The following CNTN5 variants were observed in gnomAD, a reference collection of about 807,000 sequenced individuals.
The protein encoded by CNTN5 is contactin-5.
In CNTN5, 77 loss-of-function variants were observed where a neutral mutation model predicts 129.1. The observed-to-expected ratio is 0.60, with a 90% CI of 0.50 to 0.72. The LOEUF (loss-of-function observed/expected upper bound fraction) is 0.72. CNTN5 is among the 30% of genes least tolerant of loss of function. The probability of loss-of-function intolerance (pLI) is 0.00; values close to 1 mark genes in which losing one functional copy is unlikely to be tolerated. For synonymous variants in CNTN5, 509 were observed against 465.6 expected, an observed-to-expected ratio of 1.09 and a Z score of -1.20; for missense variants, 1,478 against 1,328.8, an observed-to-expected ratio of 1.11 and a Z score of -1.75.
chr11:99,079,146 G>T (rs905610157), intron 1 of CNTN5, among the ~76,000 whole-genome samples: 1 of 152,078 alleles, frequency 6.6e-6, no homozygotes, highest in East Asian at 1.9e-4. Flanking sequence ...CATTTAAAGA[G>T]ATCTCTTGGC....
At chr11:99,024,745 G>A (rs778724262) in intron 1 of CNTN5, among the ~76,000 whole-genome samples, 14 of 151,834 alleles carry the variant, frequency 9.2e-5, no homozygotes, top group Non-Finnish European at 1.6e-4. Flanking sequence ...TTTCCAGAGA[G>A]GCCACAAAGT....
intron 2 of CNTN5, among the ~76,000 whole-genome samples, chr11:99,444,027 G>A (rs1943950274): frequency 6.6e-6 from 1 of 151,978 alleles, no homozygotes; most frequent in African/African-American, 2.4e-5. Context: ...GTGAAACCCT[G>A]TCACTACTAA....
intron 2 of CNTN5, among the ~76,000 whole-genome samples, chr11:99,439,012 T>A (rs992053503): frequency 6.6e-6 from 1 of 152,136 alleles, no homozygotes; most frequent in African/African-American, 2.4e-5. Context: ...ATGAACACTA[T>A]GAAATAAAAA....
intron 6 of CNTN5, among the ~76,000 whole-genome samples, chr11:99,845,594 G>A (rs987679476): frequency 2.0e-5 from 3 of 151,756 alleles, no homozygotes; most frequent in Admixed American, 6.6e-5. Flanking sequence ...GGATGGTGTC[G>A]ATCTCCTGAC....
intron 2 of CNTN5, among the ~76,000 whole-genome samples, chr11:99,526,273 T>C (rs1411251450): frequency 6.6e-6 from 1 of 152,148 alleles, no homozygotes; most frequent in Non-Finnish European, 1.5e-5. Context: ...AATAGAGCTC[T>C]TCCCACTGAC....
chr11:99,356,028 A>G (rs1271634288), intron 2 of CNTN5, among the ~76,000 whole-genome samples: 1 of 151,858 alleles, frequency 6.6e-6, no homozygotes, highest in East Asian at 1.9e-4. Flanking sequence ...GGGTTTCACC[A>G]TGTTAGCCAG....
At chr11:100,041,511 C>T (rs191763346) in intron 9 of CNTN5, among the ~76,000 whole-genome samples, 105 of 152,266 alleles carry the variant, frequency 6.9e-4, no homozygotes, top group Non-Finnish European at 1.3e-3. Context: ...TTCAAACTTA[C>T]TCTTGTTCCT....
intron 9 of CNTN5, among the ~76,000 whole-genome samples, chr11:100,049,795 C>CCAT (rs1942863404): frequency 6.6e-6 from 1 of 152,044 alleles, no homozygotes; most frequent in South Asian, 2.1e-4. Context: ...ACAAACAACC[C>CCAT]CATCAAAAAG....
chr11:99,312,141 A>G (rs1446917361), intron 1 of CNTN5, among the ~76,000 whole-genome samples: 1 of 152,210 alleles, frequency 6.6e-6, no homozygotes, highest in African/African-American at 2.4e-5. Context: ...ACATGAATAT[A>G]TATTTTGCAT....
chr11:99,568,413 A>T (rs979396619), intron 3 of CNTN5, among the ~76,000 whole-genome samples: 28 of 152,228 alleles, frequency 1.8e-4, no homozygotes, highest in African/African-American at 6.8e-4. Flanking sequence ...TACCACTATA[A>T]TACTGCTGTA....
At chr11:99,641,812 C>A (rs531646391) in intron 3 of CNTN5, among the ~76,000 whole-genome samples, 2 of 152,256 alleles carry the variant, frequency 1.3e-5, no homozygotes, top group East Asian at 3.9e-4. Flanking sequence ...ACTTTTCCAA[C>A]CCTGCTCAAT....
chr11:99,824,723 C>T (rs535144662), intron 4 of CNTN5, among the ~76,000 whole-genome samples: 2 of 151,836 alleles, frequency 1.3e-5, no homozygotes, highest in Non-Finnish European at 2.9e-5. Context: ...GGTGTTTAAA[C>T]CACATGAAAT....
chr11:99,612,863 G>A (rs1451069411), intron 3 of CNTN5, among the ~76,000 whole-genome samples: 5 of 152,200 alleles, frequency 3.3e-5, no homozygotes, highest in Non-Finnish European at 5.9e-5. Context: ...CTGTTGTGAA[G>A]TGAAGTTGAC....
At chr11:99,705,423 T>C (rs188296190) in intron 3 of CNTN5, among the ~76,000 whole-genome samples, 37 of 151,486 alleles carry the variant, frequency 2.4e-4, no homozygotes, top group Non-Finnish European at 4.3e-4. Flanking sequence ...ACTCCATGCC[T>C]ACATGCCCCT....
At chr11:99,479,429 A>G (rs946089095) in intron 2 of CNTN5, among the ~76,000 whole-genome samples, 46 of 152,208 alleles carry the variant, frequency 3.0e-4, no homozygotes, top group Middle Eastern at 3.4e-3. Context: ...AATTCATGTC[A>G]TTCTAGGTAA....
At chr11:99,553,965 T>TACACACAC (rs34430127) in intron 2 of CNTN5, among the ~76,000 whole-genome samples, 126 of 146,122 alleles carry the variant, frequency 8.6e-4, no homozygotes, top group Middle Eastern at 3.5e-3. Flanking sequence ...TGAAAATGAA[T>TACACACAC]ACACACACAC....
intron 2 of CNTN5, among the ~76,000 whole-genome samples, chr11:99,499,355 C>G (rs909877274): frequency 6.6e-6 from 1 of 152,034 alleles, no homozygotes; most frequent in African/African-American, 2.4e-5. Context: ...GGACTTCTCC[C>G]TCATGAATAA....
chr11:99,229,609 C>T (rs571223023), intron 1 of CNTN5, among the ~76,000 whole-genome samples: 15 of 150,382 alleles, frequency 1.0e-4, no homozygotes, highest in African/African-American at 3.4e-4. Flanking sequence ...AGGAAAGAAG[C>T]CGTAATTGTT....
chr11:99,570,789 T>C (rs924668441), intron 3 of CNTN5, among the ~76,000 whole-genome samples: 1 of 152,038 alleles, frequency 6.6e-6, no homozygotes, highest in African/African-American at 2.4e-5. Context: ...TAGTGAGTAA[T>C]ATTGGGGGAG....
Sources: allele counts gnomAD v4.1 joint callset (sites outside exome capture counted in the v4.1 genomes callset), GRCh38; gene constraint gnomAD v4.1.1; transcripts MANE v1.5; gene names NCBI Gene and HGNC (gene_info 2026-07-23, HGNC 2026-07-21).